RNF217: variants seen among roughly 807,000 people sequenced by gnomAD.
RNF217 encodes the protein E3 ubiquitin-protein ligase RNF217.
RNF217 carries 31 observed loss-of-function variants against 57.8 expected under a neutral mutation model. The ratio of observed to expected loss-of-function variants is 0.54; its 90% CI spans 0.40 to 0.72. The LOEUF is 0.72. Ranked by LOEUF, RNF217 falls within the 30% of genes least tolerant of loss-of-function variation. RNF217 has a pLI of 0.00. For synonymous variants in RNF217, 313 were observed against 294.0 expected (o/e 1.06, Z -0.66); for missense variants, 696 against 708.3 (o/e 0.98, Z 0.20).
chr6:124,984,344 C>T (rs1436153493), intron 1 of RNF217, among the ~76,000 whole-genome samples: 2 of 151,752 alleles, frequency 1.3e-5, no homozygotes. Flanking sequence ...CCCAAGTGTT[C>T]GACAGCAACC....
At chr6:125,081,815 C>G (rs1788586531) in intron 5 of RNF217, among the ~76,000 whole-genome samples, 1 of 151,790 alleles carries the variant, frequency 6.6e-6, no homozygotes, top group South Asian at 2.1e-4. Context: ...GGAATAGAAC[C>G]CAAATTTTCT....
At chr6:125,008,346 A>T (rs1403815092) in intron 1 of RNF217, among the ~76,000 whole-genome samples, 1 of 152,206 alleles carries the variant, frequency 6.6e-6, no homozygotes, top group Non-Finnish European at 1.5e-5. Flanking sequence ...ACCACAAGTA[A>T]GTGAAATCAT....
intron 1 of RNF217, among the ~76,000 whole-genome samples, chr6:125,043,689 A>G (rs1428076968): frequency 6.6e-6 from 1 of 152,104 alleles, no homozygotes; most frequent in Admixed American, 6.6e-5. Context: ...AATTGATTCT[A>G]AAACGTAATT....
At chr6:125,033,099 C>CT (rs886386210) in intron 1 of RNF217, among the ~76,000 whole-genome samples, 27 of 149,248 alleles carry the variant, frequency 1.8e-4, no homozygotes, top group African/African-American at 6.1e-4. Flanking sequence ...GACTATTTTT[C>CT]TTTTTTTTTC....
Position 124,963,153 on chromosome 6 carries a change from C to A in RNF217, c.609C>A (p.Ser203=), listed in dbSNP as rs1169124056. 6.5e-7 allele frequency: 1 copy of A among 1,534,398 alleles called. No individual in the cohort carries two copies. The highest frequency in any genetic ancestry group is 2.0e-5 in the Admixed American group (1 of 50,866). Residue 203 remains serine, a synonymous_variant, in exon 1 of 6, where the codon TCC becomes TCA. Transcript: ENST00000521654. ...PVLNPPSTRS[S]FPSPRLSLPT... Reference sequence around the variant, plus strand: ...TGAACCCTCCCAGCACCCGCTCTTCCTTCCCCAGCCCCCGACTGTCCCTCC... The same window carrying A: ...TGAACCCTCCCAGCACCCGCTCTTCATTCCCCAGCCCCCGACTGTCCCTCC...
Position 125,086,219 on chromosome 6 carries a change from A to G in RNF217, c.*3282A>G, listed in dbSNP as rs548816493. ...AAAAAGAAAGATTGTACAGGAGTGC[A>G]TAATTTTTAAAGAAAATCGTCTTTT... On this transcript the variant is annotated 3_prime_UTR_variant, in exon 6 of 6. Transcript: ENST00000521654. 6.6e-6 allele frequency: 1 copy of G among 152,180 alleles called. No individual in the cohort carries two copies. Among genetic ancestry groups the G allele is most frequent in the Admixed American group, 6.6e-5 (1 of 15,264 alleles). 9.4% of individuals were successfully genotyped at this position (152,180 alleles called of 1,614,324 possible).
chr6:124,986,261 T>A (rs1784360807), intron 1 of RNF217, among the ~76,000 whole-genome samples: 1 of 152,236 alleles, frequency 6.6e-6, no homozygotes, highest in African/African-American at 2.4e-5. Context: ...TATAAATGCC[T>A]TACCTTCTTT....
intron 1 of RNF217, among the ~76,000 whole-genome samples, chr6:125,040,621 G>A (rs1162598707): frequency 1.3e-5 from 2 of 152,000 alleles, no homozygotes; most frequent in Non-Finnish European, 2.9e-5. Flanking sequence ...CCAAAACCTG[G>A]CAGAGATACA....
chr6:124,979,365 A>G (rs1419446429), intron 1 of RNF217, among the ~76,000 whole-genome samples: 1 of 152,196 alleles, frequency 6.6e-6, no homozygotes, highest in Admixed American at 6.5e-5. Context: ...GCAGCTCTCT[A>G]AGTGAGCAAG....
intron 1 of RNF217, among the ~76,000 whole-genome samples, chr6:125,043,697 A>T (rs1251727769): frequency 6.6e-6 from 1 of 152,062 alleles, no homozygotes; most frequent in African/African-American, 2.4e-5. Context: ...CTAAAACGTA[A>T]TTTGAATTAT....
At chr6:125,014,338 T>C (rs762289038) in intron 1 of RNF217, among the ~76,000 whole-genome samples, 2 of 152,198 alleles carry the variant, frequency 1.3e-5, no homozygotes, top group African/African-American at 2.4e-5. Flanking sequence ...ATGCCTTGCA[T>C]GGATTAGCTC....
intron 1 of RNF217, among the ~76,000 whole-genome samples, chr6:124,976,625 G>A (rs901301769): frequency 5.3e-5 from 8 of 151,104 alleles, no homozygotes; most frequent in African/African-American, 1.5e-4. Flanking sequence ...TCAGCCTCCC[G>A]AGTAGCTGGG....
intron 1 of RNF217, among the ~76,000 whole-genome samples, chr6:125,009,653 AT>A (rs950870910): frequency 8.2e-5 from 12 of 146,402 alleles, no homozygotes; most frequent in Middle Eastern, 3.5e-3. Context: ...TTTTCTTTCT[AT>A]TTTTTTTAAC....
chr6:125,048,500 C>G (rs1298176839), intron 2 of RNF217, among the ~76,000 whole-genome samples: 1 of 152,000 alleles, frequency 6.6e-6, no homozygotes, highest in African/African-American at 2.4e-5. Flanking sequence ...AGGTTTGTAT[C>G]TACTGATAAA....
chr6:125,058,838 TC>T (rs1787620367), intron 3 of RNF217, among the ~76,000 whole-genome samples: 3 of 152,174 alleles, frequency 2.0e-5, no homozygotes, highest in African/African-American at 7.2e-5. Context: ...TTTTAAAAAA[TC>T]TTACTGTAGA....
chr6:124,972,300 T>C (rs1356061792), intron 1 of RNF217, among the ~76,000 whole-genome samples: 1 of 152,192 alleles, frequency 6.6e-6, no homozygotes, highest in Non-Finnish European at 1.5e-5. Flanking sequence ...ATTTCTGCTG[T>C]CATTTCCCTC....
At chr6:125,081,743 A>G (rs145861647) in intron 5 of RNF217, among the ~76,000 whole-genome samples, 1 of 152,226 alleles carries the variant, frequency 6.6e-6, no homozygotes, top group Non-Finnish European at 1.5e-5. Context: ...CTTATAAAGC[A>G]TTATTAACCC....
intron 2 of RNF217, among the ~76,000 whole-genome samples, chr6:125,051,345 A>G (rs2114560251): frequency 6.6e-6 from 1 of 151,926 alleles, no homozygotes; most frequent in Admixed American, 6.6e-5. Flanking sequence ...GGCCCCCGAG[A>G]TCGTGTGTTA....
intron 1 of RNF217, among the ~76,000 whole-genome samples, chr6:125,029,800 A>AT (rs1172294671): frequency 6.6e-6 from 1 of 152,170 alleles, no homozygotes. Flanking sequence ...ATAAAAAAAA[A>AT]TTTTTGAAAT....
Sources: allele counts gnomAD v4.1 joint callset (sites outside exome capture counted in the v4.1 genomes callset), GRCh38; gene constraint gnomAD v4.1.1; transcripts MANE v1.5; gene names NCBI Gene and HGNC (gene_info 2026-07-23, HGNC 2026-07-21).